ATPAF1: variants seen among roughly 807,000 people sequenced by gnomAD.
ATPAF1 encodes the protein homolog of yeast ATP11.
A neutral mutation model predicts 43.9 loss-of-function variants in ATPAF1; 26 were observed. The observed-to-expected ratio is 0.59, with a 90% CI of 0.43 to 0.82. ATPAF1 has a LOEUF of 0.82. Among genes scored for constraint, ATPAF1 ranks in the 40% least tolerant of loss-of-function variants. ATPAF1 has a pLI of 0.00. For synonymous variants in ATPAF1, 157 were observed against 168.0 expected (o/e 0.93, Z 0.50); for missense variants, 366 against 435.0 (o/e 0.84, Z 1.41).
chr1:46,641,040 A>C (rs1315089580), intron 8 of ATPAF1, among the ~76,000 whole-genome samples: 2 of 152,112 alleles, frequency 1.3e-5, no homozygotes, highest in Non-Finnish European at 2.9e-5. Context: ...CTGTATCATC[A>C]ACATTTCCCT....
At chr1:46,633,406 C>T (rs755294298), downstream of ATPAF1, 3 of 193,230 alleles carry the variant, frequency 1.6e-5, no homozygotes, top group South Asian at 6.0e-5. Flanking sequence ...ATTATTATCC[C>T]TATTTTAGAT....
intron 4 of ATPAF1, among the ~76,000 whole-genome samples, chr1:46,654,784 T>C (rs1676237996): frequency 6.6e-6 from 1 of 151,978 alleles, no homozygotes; most frequent in South Asian, 2.1e-4. Flanking sequence ...AGTGAGAACA[T>C]GCGGTGTTTG....
In ATPAF1 at chr1:46,639,112, A is replaced by C. The variant is rs17102361; in HGVS notation, c.793-3142T>G. Among the ~76,000 whole-genome samples the C allele has an allele frequency of 5.9e-3, 900 of 152,330 alleles. 11 individuals carry two copies. Among genetic ancestry groups the C allele is most frequent in the East Asian group, 0.033 (173 of 5,190 alleles). ...AATTAAAGTTAATAATTAATAGGCT[A>C]GGTCTTAAAATCCATCTCTTTATGG... On this transcript the variant is annotated intron_variant, in intron 8 of 8. Transcript: ENST00000574428.
At chr1:46,633,593 T>C (rs568383500), downstream of ATPAF1, 1 of 408,322 alleles carries the variant, frequency 2.4e-6, no homozygotes, top group East Asian at 7.2e-5. Flanking sequence ...CAATTTTCTT[T>C]GAGTTCTTTG....
intron 8 of ATPAF1, among the ~76,000 whole-genome samples, chr1:46,638,899 A>G (rs1325197068): frequency 6.6e-6 from 1 of 152,124 alleles, no homozygotes; most frequent in Non-Finnish European, 1.5e-5. Context: ...CAATTTTCAA[A>G]TCTACAATCA....
chr1:46,647,189 C>A (rs866641648), intron 6 of ATPAF1, among the ~76,000 whole-genome samples: 1 of 152,170 alleles, frequency 6.6e-6, no homozygotes, highest in Admixed American at 6.5e-5. Flanking sequence ...ACTGTATCCA[C>A]CTACACATTC....
chr1:46,652,548 T>C (rs1370394233), intron 6 of ATPAF1, 33 bp downstream of exon 6: 1 of 1,602,346 alleles, frequency 6.2e-7, no homozygotes, highest in Admixed American at 1.7e-5. Context: ...GCAACATTGA[T>C]AAGCAACCCT....
intron 2 of ATPAF1, among the ~76,000 whole-genome samples, chr1:46,659,312 A>C (rs1174813292): frequency 6.6e-6 from 1 of 152,212 alleles, no homozygotes; most frequent in Non-Finnish European, 1.5e-5. Context: ...ACTATCATCT[A>C]CTAGTACTGA....
intron 1 of ATPAF1, among the ~76,000 whole-genome samples, chr1:46,667,384 C>T (rs1676508675): frequency 6.6e-6 from 1 of 152,164 alleles, no homozygotes; most frequent in African/African-American, 2.4e-5. Context: ...TTGAACTCTT[C>T]AGATGCTCCT....
intron 2 of ATPAF1, chr1:46,663,888 T>C: frequency 7.8e-7 from 1 of 1,281,006 alleles, no homozygotes; most frequent in South Asian, 1.3e-5. Flanking sequence ...TCCCTGGCGC[T>C]GGCCTCTCCT....
intron 6 of ATPAF1, among the ~76,000 whole-genome samples, chr1:46,645,523 GC>G (rs796125033): frequency 3.3e-4 from 50 of 151,432 alleles, no homozygotes; most frequent in African/African-American, 1.0e-3. Context: ...ACTAAGCCTG[GC>G]TACTTTTTTT....
At chr1:46,657,210 T>C (rs1001123992) in intron 4 of ATPAF1, among the ~76,000 whole-genome samples, 1 of 152,218 alleles carries the variant, frequency 6.6e-6, no homozygotes, top group African/African-American at 2.4e-5. Flanking sequence ...TTGTACCTGA[T>C]ACAGAGTATG....
At chr1:46,658,927 C>T (rs1676330854) in intron 2 of ATPAF1, among the ~76,000 whole-genome samples, 190 bp from the exon 3 acceptor site, 1 of 152,148 alleles carries the variant, frequency 6.6e-6, no homozygotes, top group South Asian at 2.1e-4. Context: ...CGCAGTGGCT[C>T]ACACCTGTAA....
Position 46,668,053 on chromosome 1 carries a change from G to A in ATPAF1, c.266+4C>T, listed in dbSNP as rs1158016983. The A allele has an allele frequency of 2.8e-5, 39 of 1,398,408 alleles. No homozygotes were observed. The highest frequency in any genetic ancestry group is 3.3e-5 in the Non-Finnish European group (35 of 1,073,402). The allele number at this position is 1,398,408 out of a possible 1,614,324, so 86.6% of individuals were successfully genotyped here. ...GCCCGCCTCCAGCCAACCCAGGCCC[G>A]CACCTGCGCAGCAGCTGGATCTTGT... On this transcript the variant is annotated splice_donor_region_variant and intron_variant, in intron 1 of 8. Coordinates refer to ENST00000574428, the Ensembl canonical transcript of ATPAF1. The surrounding 1 kb of genome is among the most constrained non-coding windows in gnomAD (Gnocchi z 4.4).
In ATPAF1 at chr1:46,636,290, T is replaced by C. The variant is rs534412310; in HGVS notation, c.793-320A>G. On this transcript the variant is annotated intron_variant, in intron 8 of 8. Coordinates refer to ENST00000574428, the Ensembl canonical transcript of ATPAF1. ...CTGCAGAGTGACATCTGGTGAATGT[T>C]TACTGAATAAATTAATGTACATGTT... 78 of 426,930 alleles carry C rather than the reference T, an allele frequency of 1.8e-4. 1 individual carries two copies. Among genetic ancestry groups the C allele is most frequent in the South Asian group, 1.7e-3 (76 of 44,700 alleles). 26.4% of individuals were successfully genotyped at this position (426,930 alleles called of 1,614,324 possible).
At chr1:46,662,625 C>T (rs1292441406) in intron 2 of ATPAF1, among the ~76,000 whole-genome samples, 1 of 152,062 alleles carries the variant, frequency 6.6e-6, no homozygotes. Flanking sequence ...CAGGGTTTCA[C>T]CCTGTTGGCC....
intron 2 of ATPAF1, among the ~76,000 whole-genome samples, chr1:46,661,567 G>A (rs1056889957): frequency 6.6e-6 from 1 of 152,130 alleles, no homozygotes; most frequent in Non-Finnish European, 1.5e-5. Flanking sequence ...TTTATATTAT[G>A]GTTAGGGCAT....
rs764461956 is a variant in ATPAF1, at chr1:46,668,328, C to A, written c.-6G>T. The A allele has an allele frequency of 7.4e-7, 1 of 1,359,114 alleles. No individual in the cohort carries two copies. The highest frequency in any genetic ancestry group is 9.5e-7 in the Non-Finnish European group (1 of 1,051,328). 84.2% of individuals were successfully genotyped at this position (1,359,114 alleles called of 1,614,324 possible). A position where few individuals can be genotyped will look rare whatever the true frequency, so the allele number is the denominator to read the frequency against. Reference sequence around the variant, plus strand: ...GCCACCACCACAGCAGCCATGGCCGCCCCCGCCTCCTCCTCCTCCTCAGGC... The same window carrying A: ...GCCACCACCACAGCAGCCATGGCCGACCCCGCCTCCTCCTCCTCCTCAGGC... On this transcript the variant is annotated 5_prime_UTR_variant, in exon 1 of 9. Coordinates refer to ENST00000574428, the Ensembl canonical transcript of ATPAF1. This position sits in a 1 kb window ranked among gnomAD's most constrained non-coding sequence, Gnocchi z 4.4.
chr1:46,662,457 T>G (rs1676408117), intron 2 of ATPAF1, among the ~76,000 whole-genome samples: 1 of 151,860 alleles, frequency 6.6e-6, no homozygotes, highest in Admixed American at 6.5e-5. Flanking sequence ...TGTTATTTTT[T>G]TTTTTTTTGC....
Sources: allele counts gnomAD v4.1 joint callset (sites outside exome capture counted in the v4.1 genomes callset), GRCh38; gene constraint gnomAD v4.1.1; non-coding constraint Gnocchi (gnomAD v3.1); transcripts MANE v1.5; gene names NCBI Gene and HGNC (gene_info 2026-07-23, HGNC 2026-07-21).